The following ZNF705G variants were observed in gnomAD, a reference collection of about 807,000 sequenced individuals.
ZNF705G encodes zinc finger protein 705G.
A neutral mutation model predicts 19.6 loss-of-function variants in ZNF705G; 23 were observed. The ratio of observed to expected loss-of-function variants is 1.17; its 90% CI spans 0.84 to 1.66. The LOEUF (loss-of-function observed/expected upper bound fraction) is 1.66, where lower values mean the gene tolerates loss of function less well. Ranked by LOEUF, ZNF705G falls within the 40% of genes most tolerant of loss-of-function variation. The pLI is 0.00. For synonymous variants in ZNF705G, 146 were observed against 117.7 expected (o/e 1.24, Z -1.56); for missense variants, 457 against 354.4 (o/e 1.29, Z -2.32).
chr8:7,380,946 G>A (rs1205863650), intron 2 of ZNF705G, among the ~76,000 whole-genome samples: 1 of 132,000 alleles, frequency 7.6e-6, no homozygotes, highest in Non-Finnish European at 1.5e-5. Context: ...GAGCCCAGGA[G>A]GCAGAGTTGC....
At chr8:7,379,585 G>T (rs1234468705) in intron 2 of ZNF705G, among the ~76,000 whole-genome samples, 1 of 147,110 alleles carries the variant, frequency 6.8e-6, no homozygotes, top group Non-Finnish European at 1.5e-5. Context: ...AATCTCTGAG[G>T]TATGGAAGGA....
intron 1 of ZNF705G, among the ~76,000 whole-genome samples, chr8:7,383,224 C>A (rs1465477099): frequency 6.7e-6 from 1 of 148,620 alleles, no homozygotes; most frequent in Non-Finnish European, 1.5e-5. Context: ...CTAGGTGACA[C>A]ATTAGGGGCC....
chr8:7,380,279 C>T (rs1212334043), intron 2 of ZNF705G, among the ~76,000 whole-genome samples: 2 of 145,940 alleles, frequency 1.4e-5, no homozygotes, highest in African/African-American at 2.8e-5. Context: ...ACAGGCCCAT[C>T]CCACCCATTG....
intron 2 of ZNF705G, among the ~76,000 whole-genome samples, chr8:7,365,951 A>C (rs1356681631): frequency 1.7e-4 from 26 of 149,372 alleles, no homozygotes; most frequent in Admixed American, 6.6e-5. Context: ...GCAGTCTCGA[A>C]AAGTGCTATT....
intron 2 of ZNF705G, among the ~76,000 whole-genome samples, chr8:7,363,274 T>C (rs1178461841): frequency 6.7e-6 from 1 of 148,226 alleles, no homozygotes; most frequent in Non-Finnish European, 1.5e-5. Context: ...TGTATGTTAA[T>C]TGGCACAAGT....
At chr8:7,362,653 G>T (rs1356467989) in intron 3 of ZNF705G, among the ~76,000 whole-genome samples, 2 of 149,358 alleles carry the variant, frequency 1.3e-5, no homozygotes, top group Non-Finnish European at 2.9e-5. Flanking sequence ...AGCCTTAATA[G>T]GGGCTGGAAT....
intron 2 of ZNF705G, among the ~76,000 whole-genome samples, chr8:7,370,486 C>A (rs1407018844): frequency 6.7e-6 from 1 of 149,184 alleles, no homozygotes; most frequent in Non-Finnish European, 1.5e-5. Context: ...CCCTTGTATA[C>A]TTGTGGTGGA....
intron 2 of ZNF705G, among the ~76,000 whole-genome samples, chr8:7,363,395 T>C (rs1341211976): frequency 2.0e-5 from 3 of 148,562 alleles, no homozygotes; most frequent in Non-Finnish European, 2.9e-5. Context: ...TCAGATTTTA[T>C]TATCCTAGCT....
intron 4 of ZNF705G, among the ~76,000 whole-genome samples, chr8:7,360,891 C>A (rs1322718954): frequency 6.7e-6 from 1 of 149,348 alleles, no homozygotes; most frequent in Admixed American, 6.6e-5. Flanking sequence ...AAATCCTTGT[C>A]AAGACTACAT....
At chr8:7,359,332 T>A (rs538922303) in intron 6 of ZNF705G, among the ~76,000 whole-genome samples, 1 of 149,888 alleles carries the variant, frequency 6.7e-6, no homozygotes, top group Non-Finnish European at 1.5e-5. Flanking sequence ...TTCTCTTCTG[T>A]AACATCTCAA....
chr8:7,381,023 C>A (rs1262110481), intron 2 of ZNF705G, among the ~76,000 whole-genome samples: 1,229 of 2,152 alleles, frequency 0.57, 382 homozygotes, highest in Middle Eastern at 1. Context: ...CTCAAACCAC[C>A]ACCAAAAAAA....
At chr8:7,362,223 A>G (rs1585411544) in intron 3 of ZNF705G, among the ~76,000 whole-genome samples, 1 of 149,678 alleles carries the variant, frequency 6.7e-6, no homozygotes, top group African/African-American at 2.6e-5. Flanking sequence ...TGCAACCATA[A>G]TTAAATAATT....
intron 2 of ZNF705G, among the ~76,000 whole-genome samples, chr8:7,368,835 G>A (rs1290762462): frequency 1.3e-5 from 2 of 149,588 alleles, no homozygotes; most frequent in Non-Finnish European, 2.9e-5. Context: ...CCCAGACATT[G>A]TTTGGGCCAC....
chr8:7,367,334 G>C (rs1391526739), intron 2 of ZNF705G, among the ~76,000 whole-genome samples: 1 of 149,346 alleles, frequency 6.7e-6, no homozygotes, highest in African/African-American at 2.6e-5. Flanking sequence ...GGCAGCACCA[G>C]AGAGAGGCCG....
In ZNF705G at chr8:7,382,685, C is replaced by A. The variant is rs923244108; in HGVS notation, c.-221-1084G>T. 3.4e-5 allele frequency among the ~76,000 whole-genome samples: 5 copies of A among 146,654 alleles called. 1 individual carries two copies. The highest frequency in any genetic ancestry group is 1.4e-4 in the African/African-American group (5 of 36,170). ...ACTTTCTGTCAACTGCCTCTTTCCACACATCTATGGATTAAATTAACCAAC... is the reference window on the plus strand; with the variant it reads ...ACTTTCTGTCAACTGCCTCTTTCCAAACATCTATGGATTAAATTAACCAAC... On this transcript the variant is annotated intron_variant, in intron 1 of 6. Coordinates refer to ENST00000400156, the MANE Select transcript of ZNF705G (RefSeq NM_001164457.3).
rs558858883 is a variant in ZNF705G at position 7,356,318 on chromosome 8, A to T, written c.*1658T>A. Reference sequence around the variant, plus strand: ...GTCTGTCTCTGTGTAATAACTCAGGACTTACCAGAATAAAATGTGGGGTGT... The same window carrying T: ...GTCTGTCTCTGTGTAATAACTCAGGTCTTACCAGAATAAAATGTGGGGTGT... On this transcript the variant is annotated 3_prime_UTR_variant, in exon 7 of 7. Transcript: ENST00000400156. 6.7e-6 allele frequency: 1 copy of T among 149,672 alleles called. No individual in the cohort carries two copies. Among genetic ancestry groups the T allele is most frequent in the Admixed American group, 6.6e-5 (1 of 15,242 alleles). 9.3% of individuals were successfully genotyped at this position (149,672 alleles called of 1,614,324 possible).
At chr8:7,367,284 C>A (rs1221707623) in intron 2 of ZNF705G, among the ~76,000 whole-genome samples, 1 of 149,234 alleles carries the variant, frequency 6.7e-6, no homozygotes, top group Non-Finnish European at 1.5e-5. Flanking sequence ...CAGGTGATGG[C>A]CTGTCAATTA....
At chr8:7,368,856 G>T (rs1393554201) in intron 2 of ZNF705G, among the ~76,000 whole-genome samples, 1 of 149,594 alleles carries the variant, frequency 6.7e-6, no homozygotes, top group Non-Finnish European at 1.5e-5. Context: ...CGCTTTAGAG[G>T]GTGCAAGCCA....
intron 1 of ZNF705G, among the ~76,000 whole-genome samples, chr8:7,383,845 A>C (rs1807614629): frequency 6.8e-6 from 1 of 146,434 alleles, no homozygotes; most frequent in African/African-American, 2.8e-5. Flanking sequence ...GTGAGAAGTA[A>C]ACTTCTGCTC....
Sources: gnomAD v4.1 joint callset for allele counts (sites outside exome capture counted in the v4.1 genomes callset) on GRCh38, gnomAD v4.1.1 for gene constraint, MANE v1.5 for transcripts, NCBI Gene and HGNC (gene_info 2026-07-23, HGNC 2026-07-21) for gene names.